The following SIPA1L1 variants were observed in gnomAD, a reference collection of about 807,000 sequenced individuals.
SIPA1L1 encodes signal induced proliferation associated 1 like 1.
Under a neutral mutation model 162.7 loss-of-function variants are expected in SIPA1L1, and 26 were observed. The observed-to-expected ratio is 0.16, with a 90% CI of 0.12 to 0.22. The LOEUF is 0.22. Among genes scored for constraint, SIPA1L1 ranks in the 10% least tolerant of loss-of-function variants. The pLI is 1.00. For missense variants in SIPA1L1, 1,874 were observed against 2,241.0 expected, an observed-to-expected ratio of 0.84 and a Z score of 3.31; for synonymous variants, 829 against 837.4, an observed-to-expected ratio of 0.99 and a Z score of 0.17.
intron 3 of SIPA1L1, among the ~76,000 whole-genome samples, chr14:71,526,434 T>G (rs551254540): frequency 1.3e-5 from 2 of 152,330 alleles, no homozygotes; most frequent in African/African-American, 4.8e-5. Context: ...TAAAACAGAA[T>G]CATACAGTAT....
intron 2 of SIPA1L1, among the ~76,000 whole-genome samples, chr14:71,420,856 C>T (rs758058861): frequency 2.0e-5 from 3 of 152,196 alleles, no homozygotes; most frequent in Non-Finnish European, 4.4e-5. Flanking sequence ...AACAAACTTA[C>T]TATGTACTCT....
intron 2 of SIPA1L1, among the ~76,000 whole-genome samples, chr14:71,455,245 AGTTTTATCTTT>A (rs2046105162): frequency 6.6e-6 from 1 of 152,186 alleles, no homozygotes; most frequent in Non-Finnish European, 1.5e-5. Context: ...CAAATTGTTT[AGTTTTATCTTT>A]AGCTGTGATT....
intron 2 of SIPA1L1, among the ~76,000 whole-genome samples, chr14:71,479,651 T>A (rs1207007626): frequency 6.6e-6 from 1 of 152,166 alleles, no homozygotes; most frequent in Non-Finnish European, 1.5e-5. Context: ...CATGCATTCC[T>A]CCTGCCTGGG....
intron 13 of SIPA1L1, among the ~76,000 whole-genome samples, chr14:71,687,597 A>G (rs1370746061): frequency 5.9e-5 from 9 of 152,258 alleles, no homozygotes; most frequent in Non-Finnish European, 1.3e-4. Flanking sequence ...GCTCCTTGCC[A>G]GTCATACTGA....
At chr14:71,608,778 C>A (rs1366548967) in intron 5 of SIPA1L1, among the ~76,000 whole-genome samples, 1 of 151,900 alleles carries the variant, frequency 6.6e-6, no homozygotes, top group Non-Finnish European at 1.5e-5. Context: ...GCCTGTAATC[C>A]CAGCTACTTA....
intron 2 of SIPA1L1, among the ~76,000 whole-genome samples, chr14:71,382,343 G>T (rs2039973032): frequency 6.6e-6 from 1 of 152,174 alleles, no homozygotes; most frequent in African/African-American, 2.4e-5. Flanking sequence ...TACTTGGGTG[G>T]TAGAAAACAT....
intron 13 of SIPA1L1, among the ~76,000 whole-genome samples, chr14:71,696,260 C>T (rs2081619740): frequency 6.6e-6 from 1 of 152,154 alleles, no homozygotes; most frequent in African/African-American, 2.4e-5. Context: ...AGAAACCCTG[C>T]TTCTTTCTTC....
chr14:71,708,393 C>T (rs968799602), intron 16 of SIPA1L1, among the ~76,000 whole-genome samples: 12 of 151,222 alleles, frequency 7.9e-5, no homozygotes, highest in African/African-American at 1.9e-4. Context: ...GGCACAATCT[C>T]GGCTCACTGT....
At chr14:71,381,783 G>A (rs1380519364) in intron 2 of SIPA1L1, among the ~76,000 whole-genome samples, 2 of 152,156 alleles carry the variant, frequency 1.3e-5, no homozygotes, top group African/African-American at 4.8e-5. Context: ...TGGTCAGGTT[G>A]TTAATTCTTG....
intron 2 of SIPA1L1, among the ~76,000 whole-genome samples, chr14:71,476,065 T>C (rs1469727729): frequency 6.6e-6 from 1 of 152,246 alleles, no homozygotes; most frequent in African/African-American, 2.4e-5. Flanking sequence ...ACCGCAGTTG[T>C]GGTGGTCTTG....
At chr14:71,519,830 GA>G (rs1401797283) in intron 3 of SIPA1L1, among the ~76,000 whole-genome samples, 1 of 150,880 alleles carries the variant, frequency 6.6e-6, no homozygotes, top group African/African-American at 2.4e-5. Context: ...GTCTCTTATG[GA>G]AAAAAAAGAT....
chr14:71,418,692 A>T (rs2042967618), intron 2 of SIPA1L1, among the ~76,000 whole-genome samples: 1 of 152,196 alleles, frequency 6.6e-6, no homozygotes, highest in African/African-American at 2.4e-5. Flanking sequence ...CCTGGACTTC[A>T]TTTTAATGTT....
chr14:71,685,509 G>C lies in SIPA1L1; in HGVS notation c.3252G>C (p.Gln1084His), dbSNP rs373081764. The change falls in exon 13 of 24, where the codon CAG (glutamine) becomes CAC (histidine). Residue 1084 changes from glutamine (Q) to histidine (H), a missense_variant. Gln to His is a conservative substitution (Grantham distance 24). This residue lies in a region of SIPA1L1 where 936 missense variants were observed against 1,051.9 expected (regional missense o/e 0.89). Transcript: ENST00000381232. ...CTCATTCACCTCAAGTCCCGTCCCA[G>C]GTGCAGAGTCCCATGACCTCGCGGC... ...KGPHSPQVPS[Q>H]VQSPMTSRLN... The C allele has an allele frequency of 6.2e-7, 1 of 1,614,202 alleles. No homozygotes were observed. The highest frequency in any genetic ancestry group is 2.2e-5 in the East Asian group (1 of 44,882).
chr14:71,424,789 T>G (rs2043441544), intron 2 of SIPA1L1, among the ~76,000 whole-genome samples: 1 of 152,126 alleles, frequency 6.6e-6, no homozygotes, highest in Admixed American at 6.6e-5. Context: ...GATAATGAGT[T>G]AAGAAGTGTT....
intron 4 of SIPA1L1, among the ~76,000 whole-genome samples, chr14:71,563,457 G>A (rs546601420): frequency 2.0e-5 from 3 of 151,950 alleles, no homozygotes; most frequent in African/African-American, 7.2e-5. Context: ...TTTTGTTTTT[G>A]CACTTATATT....
chr14:71,561,759 G>A (rs797009011), intron 4 of SIPA1L1, among the ~76,000 whole-genome samples: 7 of 152,070 alleles, frequency 4.6e-5, no homozygotes, highest in African/African-American at 1.7e-4. Context: ...AGCTAATTTT[G>A]TATTTTTAGT....
intron 17 of SIPA1L1, among the ~76,000 whole-genome samples, chr14:71,720,831 T>C (rs2083658589): frequency 6.6e-6 from 1 of 152,152 alleles, no homozygotes; most frequent in South Asian, 2.1e-4. Flanking sequence ...TGTTAAATTT[T>C]TGATAGAATT....
chr14:71,363,110 C>T (rs1420553879), intron 2 of SIPA1L1, among the ~76,000 whole-genome samples: 1 of 152,204 alleles, frequency 6.6e-6, no homozygotes, highest in South Asian at 2.1e-4. Flanking sequence ...ATCCTTTCTT[C>T]TAATACTTAT....
rs562644444 is a variant in SIPA1L1, at chr14:71,521,639, T to G, written c.-361-7673T>G. On this transcript the variant is annotated intron_variant, in intron 3 of 23. Transcript: ENST00000381232. ...GCATGTGCTGAACCCCATTAGTGTC[T>G]TTTGCTACAAATATGTGTCCATTTA... 6.7e-4 allele frequency among the ~76,000 whole-genome samples: 102 copies of G among 152,346 alleles called. 1 individual carries two copies. Among genetic ancestry groups the G allele is most frequent in the African/African-American group, 2.4e-3 (99 of 41,588 alleles).
Sources: allele counts gnomAD v4.1 joint callset (sites outside exome capture counted in the v4.1 genomes callset), GRCh38; gene constraint gnomAD v4.1.1; regional missense constraint gnomAD v4.1.1; transcripts MANE v1.5; gene names NCBI Gene and HGNC (gene_info 2026-07-23, HGNC 2026-07-21).